The following DLG5 variants were observed in gnomAD, a reference collection of about 807,000 sequenced individuals.
DLG5 encodes disks large homolog 5.
DLG5 carries 48 observed loss-of-function variants against 189.8 expected under a neutral mutation model. That is an observed-to-expected ratio of 0.25 (90% CI 0.20 to 0.32). DLG5 has a LOEUF of 0.32. Ranked by LOEUF, DLG5 falls within the 10% of genes least tolerant of loss-of-function variation. The probability of loss-of-function intolerance (pLI) is 1.00; values close to 1 mark genes in which losing one functional copy is unlikely to be tolerated. For missense variants in DLG5, 2,160 were observed against 2,544.7 expected, an observed-to-expected ratio of 0.85 and a Z score of 3.25; for synonymous variants, 1,016 against 1,054.1, an observed-to-expected ratio of 0.96 and a Z score of 0.70.
At chr10:77,905,085 C>A (rs910426849) in intron 1 of DLG5, among the ~76,000 whole-genome samples, 1 of 148,158 alleles carries the variant, frequency 6.7e-6, no homozygotes, top group South Asian at 2.1e-4. Context: ...GCCGAGATCG[C>A]GCCACTGCAC....
intron 1 of DLG5, among the ~76,000 whole-genome samples, chr10:77,877,998 A>G (rs1845159106): frequency 6.6e-6 from 1 of 152,224 alleles, no homozygotes; most frequent in African/African-American, 2.4e-5. Context: ...TGTCTGCCCT[A>G]GAATAAACTT....
chr10:77,832,843 G>A (rs1229817708), intron 9 of DLG5, among the ~76,000 whole-genome samples: 2 of 152,196 alleles, frequency 1.3e-5, no homozygotes, highest in Non-Finnish European at 2.9e-5. Flanking sequence ...GATGGTTCCT[G>A]TGAAGAGTCT....
intron 2 of DLG5, chr10:77,867,866 G>T: frequency 4.4e-6 from 2 of 450,252 alleles, no homozygotes; most frequent in South Asian, 1.6e-5. Context: ...TTAAGATGAG[G>T]TCTTGCTGCC....
chr10:77,795,540 C>CA lies in DLG5; in HGVS notation c.5436+520dup, dbSNP rs1429792686. 5.3e-5 allele frequency among the ~76,000 whole-genome samples: 8 copies of CA among 152,096 alleles called. 1 individual carries two copies. In the East Asian group the frequency reaches 1.2e-3, roughly 22 times the overall value. On this transcript the variant is annotated intron_variant, in intron 29 of 31. Coordinates refer to ENST00000372391, the MANE Select transcript of DLG5 (RefSeq NM_004747.4). ...CTGAGCAGCCTGGAGAAATGGAGCC[C>CA]AAGGAGCGGCTGTGTCCTTGGACTC...
chr10:77,859,800 C>T (rs1844401211), intron 2 of DLG5, among the ~76,000 whole-genome samples: 1 of 152,248 alleles, frequency 6.6e-6, no homozygotes, highest in Non-Finnish European at 1.5e-5. Flanking sequence ...CCAGGCCGCA[C>T]CTTTGGGGTC....
At chr10:77,806,718 A>AGGGCC in intron 26 of DLG5, 40 bp downstream of exon 26, 104 of 1,333,484 alleles carry the variant, frequency 7.8e-5, no homozygotes, top group Non-Finnish European at 1.0e-4. Context: ...GCCCTCGGCG[A>AGGGCC]CCCCTGCCCC....
intron 8 of DLG5, among the ~76,000 whole-genome samples, chr10:77,834,811 C>T (rs1843047292): frequency 6.6e-6 from 1 of 152,108 alleles, no homozygotes. Context: ...CAGGAAGCAG[C>T]CCCTGGGCCT....
chr10:77,813,597 G>C (rs1568134196), intron 20 of DLG5, among the ~76,000 whole-genome samples: 2 of 152,134 alleles, frequency 1.3e-5, no homozygotes, highest in African/African-American at 4.8e-5. Flanking sequence ...GCTGTTGAGA[G>C]CTGCAGAGCC....
intron 7 of DLG5, among the ~76,000 whole-genome samples, chr10:77,837,550 A>T (rs948777271): frequency 6.6e-6 from 1 of 152,242 alleles, no homozygotes; most frequent in Non-Finnish European, 1.5e-5. Context: ...CTTATAAGGA[A>T]TACAAGAAGT....
intron 2 of DLG5, among the ~76,000 whole-genome samples, chr10:77,867,579 T>C (rs548905668): frequency 6.6e-6 from 1 of 152,304 alleles, no homozygotes; most frequent in African/African-American, 2.4e-5. Flanking sequence ...TAGGATACCG[T>C]TGGGAGCTTT....
chr10:77,859,915 G>A (rs960793920), intron 2 of DLG5, among the ~76,000 whole-genome samples: 3 of 152,192 alleles, frequency 2.0e-5, no homozygotes, highest in African/African-American at 7.2e-5. Flanking sequence ...AAAAGACCCT[G>A]AGCTTCACTG....
intron 1 of DLG5, among the ~76,000 whole-genome samples, chr10:77,913,018 G>A (rs535192407): frequency 6.6e-5 from 10 of 152,146 alleles, no homozygotes; most frequent in Non-Finnish European, 1.2e-4. Context: ...TGCCTCTCTC[G>A]TCTAATTTAC....
At chr10:77,848,785 C>G (rs1015308692) in intron 5 of DLG5, among the ~76,000 whole-genome samples, 1 of 151,804 alleles carries the variant, frequency 6.6e-6, no homozygotes, top group Admixed American at 6.6e-5. Flanking sequence ...AAAAAATCTA[C>G]AAGGATACAC....
At chr10:77,908,865 G>A (rs998306212) in intron 1 of DLG5, among the ~76,000 whole-genome samples, 4 of 152,144 alleles carry the variant, frequency 2.6e-5, no homozygotes. Flanking sequence ...AAAAACACTT[G>A]CCATGTGCTA....
chr10:77,917,266 C>T (rs1233441625), intron 1 of DLG5, among the ~76,000 whole-genome samples: 5 of 151,564 alleles, frequency 3.3e-5, no homozygotes, highest in East Asian at 2.0e-4. Flanking sequence ...GGCGTGAACC[C>T]GGGAGGCAGA....
intron 9 of DLG5, among the ~76,000 whole-genome samples, chr10:77,833,256 GGA>G (rs1564527705): frequency 6.6e-6 from 1 of 152,154 alleles, no homozygotes; most frequent in Non-Finnish European, 1.5e-5. Context: ...GTAATCGAGG[GGA>G]GGATGTCTGA....
At chr10:77,829,226 GGC>G (rs771813511) in intron 12 of DLG5, 127 bp downstream of exon 12, 504 of 1,320,766 alleles carry the variant, frequency 3.8e-4, no homozygotes, top group Non-Finnish European at 4.7e-4. Context: ...AAAGCACATG[GGC>G]TACATTTAAA....
intron 16 of DLG5, 87 bp from the exon 17 acceptor site, chr10:77,819,552 G>A (rs772605472): frequency 8.1e-6 from 12 of 1,480,192 alleles, no homozygotes; most frequent in East Asian, 4.7e-5. Flanking sequence ...ATCCCAGGAC[G>A]CAGCCGCAGT....
At chr10:77,802,081 A>T (rs1287789756) in intron 27 of DLG5, among the ~76,000 whole-genome samples, 1 of 152,166 alleles carries the variant, frequency 6.6e-6, no homozygotes, top group African/African-American at 2.4e-5. Context: ...AGAAGCTGGG[A>T]GGGGCAAGGA....
Sources: gnomAD v4.1 joint callset for allele counts (sites outside exome capture counted in the v4.1 genomes callset) on GRCh38, gnomAD v4.1.1 for gene constraint, MANE v1.5 for transcripts, NCBI Gene and HGNC (gene_info 2026-07-23, HGNC 2026-07-21) for gene names.